Variants in MTMR7 observed in about 807,000 individuals in gnomAD.
MTMR7 encodes the protein phosphatidylinositol-3-phosphate phosphatase MTMR7.
MTMR7 carries 76 observed loss-of-function variants against 81.2 expected under a neutral mutation model. The ratio of observed to expected loss-of-function variants is 0.94; its 90% CI spans 0.78 to 1.13. MTMR7 has a LOEUF of 1.13. Ranked by LOEUF, MTMR7 falls within the 50% of genes most tolerant of loss-of-function variation. The pLI, the probability that MTMR7 is intolerant of heterozygous loss-of-function variation, is 0.00. For synonymous variants in MTMR7, 372 were observed against 289.8 expected (o/e 1.28, Z -2.88); for missense variants, 1,044 against 820.0 (o/e 1.27, Z -3.34).
At chr8:17,350,298 T>C (rs1370469065) in intron 4 of MTMR7, among the ~76,000 whole-genome samples, 4 of 152,144 alleles carry the variant, frequency 2.6e-5, no homozygotes, top group Non-Finnish European at 5.9e-5. Flanking sequence ...TGAGACTGGG[T>C]AATTTATAAA....
intron 7 of MTMR7, among the ~76,000 whole-genome samples, chr8:17,316,271 A>T (rs75332055): frequency 6.6e-6 from 1 of 152,028 alleles, no homozygotes; most frequent in African/African-American, 2.4e-5. Context: ...TATATATTTT[A>T]TAGGTACTAA....
At chr8:17,341,744 G>A (rs1233109456) in intron 5 of MTMR7, among the ~76,000 whole-genome samples, 1 of 152,168 alleles carries the variant, frequency 6.6e-6, no homozygotes, top group Non-Finnish European at 1.5e-5. Context: ...TGTTTAGATA[G>A]GGTCTAAGTT....
intron 4 of MTMR7, among the ~76,000 whole-genome samples, chr8:17,353,573 C>T (rs1345727294): frequency 2.0e-5 from 3 of 152,166 alleles, no homozygotes; most frequent in Non-Finnish European, 2.9e-5. Flanking sequence ...CAACATATGT[C>T]GCTAATTTTC....
chr8:17,341,485 G>A lies in MTMR7; in HGVS notation c.610C>T (p.Arg204Trp), dbSNP rs754676363. The A allele has an allele frequency of 5.6e-6, 9 of 1,613,592 alleles. No individual in the cohort carries two copies. The highest frequency in any genetic ancestry group is 2.2e-5 in the East Asian group (1 of 44,890). ...YYKDNHASIC[R>W]SSQPLSGFSA... ...AAGCCGGACAGGGGCTGGCTGCTCCGGCAGATGGAGGCCTAGGGGGAGAGG... is the reference window on the plus strand; with the variant it reads ...AAGCCGGACAGGGGCTGGCTGCTCCAGCAGATGGAGGCCTAGGGGGAGAGG... The change falls in exon 6 of 14, where the codon CGG becomes TGG. Residue 204 changes from arginine to tryptophan, a missense_variant. By Grantham distance (101) the Arg-to-Trp change is moderately radical. Coordinates refer to ENST00000180173, the MANE Select transcript of MTMR7 (RefSeq NM_004686.5).
intron 7 of MTMR7, among the ~76,000 whole-genome samples, chr8:17,327,584 G>A (rs1048958402): frequency 4.6e-5 from 7 of 152,064 alleles, no homozygotes; most frequent in Non-Finnish European, 7.4e-5. Context: ...TGCCCTTCCT[G>A]TATCTTTATT....
intron 5 of MTMR7, among the ~76,000 whole-genome samples, chr8:17,348,013 C>T (rs1037551752): frequency 2.6e-5 from 4 of 152,076 alleles, no homozygotes; most frequent in African/African-American, 9.7e-5. Context: ...AGCTTGAGTA[C>T]CTGAAGGCTA....
intron 1 of MTMR7, among the ~76,000 whole-genome samples, chr8:17,402,259 TTTAG>T (rs1278386917): frequency 1.2e-4 from 19 of 152,250 alleles, no homozygotes; most frequent in African/African-American, 4.6e-4. Flanking sequence ...GTTATACTCT[TTTAG>T]TTACTTTAAA....
In MTMR7 at chr8:17,394,006, G is replaced by A. The variant is rs371718434; in HGVS notation, c.24+19263C>T. Among the ~76,000 whole-genome samples the A allele has an allele frequency of 8.5e-4, 130 of 152,218 alleles. 1 individual carries two copies. The highest frequency in any genetic ancestry group is 2.6e-3 in the African/African-American group (110 of 41,518). ...GCAACTCAAACTACCACAAGATACC[G>A]CTTCACACCCATTAGGATAGCTATA... On this transcript the variant is annotated intron_variant, in intron 1 of 13. Coordinates refer to ENST00000180173, the MANE Select transcript of MTMR7 (RefSeq NM_004686.5).
chr8:17,400,874 A>C (rs1455156832), intron 1 of MTMR7, among the ~76,000 whole-genome samples: 3 of 152,198 alleles, frequency 2.0e-5, no homozygotes, highest in Non-Finnish European at 2.9e-5. Context: ...TAATCACAGA[A>C]GTTGTGATTA....
At chr8:17,308,458 A>G (rs1228382920) in intron 10 of MTMR7, among the ~76,000 whole-genome samples, 1 of 152,216 alleles carries the variant, frequency 6.6e-6, no homozygotes, top group Non-Finnish European at 1.5e-5. Context: ...ATTAGTGATC[A>G]ATTAATGCTA....
chr8:17,331,747 T>A (rs868713783), intron 6 of MTMR7, among the ~76,000 whole-genome samples: 1 of 152,188 alleles, frequency 6.6e-6, no homozygotes, highest in Non-Finnish European at 1.5e-5. Flanking sequence ...ATAGGAATGG[T>A]TGCATCATTC....
intron 1 of MTMR7, among the ~76,000 whole-genome samples, chr8:17,378,093 T>C (rs1368915314): frequency 6.6e-6 from 1 of 152,160 alleles, no homozygotes; most frequent in Non-Finnish European, 1.5e-5. Flanking sequence ...ATTAGAATAC[T>C]ACCATTGAGA....
intron 3 of MTMR7, among the ~76,000 whole-genome samples, chr8:17,364,186 C>T (rs990511273): frequency 4.6e-5 from 7 of 151,710 alleles, no homozygotes; most frequent in African/African-American, 1.5e-4. Flanking sequence ...CCCGCCACCA[C>T]GCCCGGCTAA....
At chr8:17,365,796 G>T (rs911659295) in intron 3 of MTMR7, among the ~76,000 whole-genome samples, 24 of 152,130 alleles carry the variant, frequency 1.6e-4, no homozygotes, top group African/African-American at 5.8e-4. Flanking sequence ...TAATGAAACA[G>T]GAGTCCAGCT....
At chr8:17,383,846 G>T (rs958770188) in intron 1 of MTMR7, among the ~76,000 whole-genome samples, 6 of 152,104 alleles carry the variant, frequency 3.9e-5, no homozygotes, top group Non-Finnish European at 5.9e-5. Flanking sequence ...GTTTCAAATC[G>T]AAAGGTTCAA....
chr8:17,334,344 A>C (rs1050957336), intron 6 of MTMR7, among the ~76,000 whole-genome samples: 1 of 152,230 alleles, frequency 6.6e-6, no homozygotes, highest in Admixed American at 6.5e-5. Context: ...TTACATAAAC[A>C]AATCGCTATT....
chr8:17,303,298 T>G (rs1817246798), intron 12 of MTMR7, among the ~76,000 whole-genome samples: 1 of 152,150 alleles, frequency 6.6e-6, no homozygotes, highest in Admixed American at 6.6e-5. Flanking sequence ...GGCTTTTGTT[T>G]AGTATGATAG....
chr8:17,306,338 T>G (rs1339566055), intron 10 of MTMR7, among the ~76,000 whole-genome samples: 2 of 151,912 alleles, frequency 1.3e-5, no homozygotes, highest in Non-Finnish European at 2.9e-5. Context: ...ACTTTAAGGC[T>G]CTTCATTTTT....
At chr8:17,393,438 C>T (rs561969413) in intron 1 of MTMR7, among the ~76,000 whole-genome samples, 1 of 152,032 alleles carries the variant, frequency 6.6e-6, no homozygotes, top group Non-Finnish European at 1.5e-5. Context: ...AGAAAGACAC[C>T]TTACAGAATG....
Sources: allele counts gnomAD v4.1 joint callset (sites outside exome capture counted in the v4.1 genomes callset), GRCh38; gene constraint gnomAD v4.1.1; transcripts MANE v1.5; gene names NCBI Gene and HGNC (gene_info 2026-07-23, HGNC 2026-07-21).